The following ATG5 variants were observed in gnomAD, a reference collection of about 807,000 sequenced individuals.
ATG5 encodes the protein autophagy related 5.
ATG5 carries 14 observed loss-of-function variants against 36.5 expected under a neutral mutation model. That is an observed-to-expected ratio of 0.38 (90% CI 0.25 to 0.60). ATG5 has a LOEUF of 0.60. Ranked by LOEUF, ATG5 falls within the 20% of genes least tolerant of loss-of-function variation. ATG5 has a pLI of 0.60. For missense variants in ATG5, 195 were observed against 326.7 expected (o/e 0.60, Z 3.11); for synonymous variants, 95 against 101.5 (o/e 0.94, Z 0.38).
At chr6:106,196,582 G>C (rs1776200727) in intron 7 of ATG5, among the ~76,000 whole-genome samples, 2 of 152,096 alleles carry the variant, frequency 1.3e-5, no homozygotes, top group Admixed American at 1.3e-4. Flanking sequence ...AAATTAGCCA[G>C]GCATGGTGGC....
In ATG5 at chr6:106,309,387, A is replaced by G. The variant is rs911826990; in HGVS notation, c.109-896T>C. 5.9e-5 allele frequency among the ~76,000 whole-genome samples: 9 copies of G among 152,126 alleles called. 1 individual carries two copies. The highest frequency in any genetic ancestry group is 1.2e-4 in the Non-Finnish European group (8 of 67,984). ...AGTCCAAGATAATAGGTACCAACCA[A>G]CTAGGTAGGAGAACGTGACATTGAT... On this transcript the variant is annotated intron_variant, in intron 2 of 7. Coordinates refer to ENST00000369076, the MANE Select transcript of ATG5 (RefSeq NM_004849.4).
chr6:106,207,315 G>A (rs1242746187), intron 6 of ATG5, among the ~76,000 whole-genome samples: 6 of 152,106 alleles, frequency 3.9e-5, no homozygotes, highest in Admixed American at 3.9e-4. Flanking sequence ...TTGAAGAAAA[G>A]CAGAAAAACG....
chr6:106,238,140 A>G (rs1331051879), intron 6 of ATG5, among the ~76,000 whole-genome samples: 2 of 152,210 alleles, frequency 1.3e-5, no homozygotes, highest in Non-Finnish European at 2.9e-5. Context: ...GTCTTTACAT[A>G]TGAGATACAA....
chr6:106,234,415 T>C (rs1453352870), intron 6 of ATG5, among the ~76,000 whole-genome samples: 1 of 152,116 alleles, frequency 6.6e-6, no homozygotes, highest in African/African-American at 2.4e-5. Context: ...TAAACACCAC[T>C]TCCGTTTTAG....
chr6:106,277,458 G>A (rs117053399), intron 5 of ATG5, among the ~76,000 whole-genome samples: 1 of 152,312 alleles, frequency 6.6e-6, no homozygotes, highest in South Asian at 2.1e-4. Flanking sequence ...GGACAATTAC[G>A]ATTGTTCCAC....
chr6:106,207,962 C>T (rs545647942), intron 6 of ATG5, among the ~76,000 whole-genome samples: 7 of 152,162 alleles, frequency 4.6e-5, no homozygotes, highest in East Asian at 3.9e-4. Flanking sequence ...CATGGTGGCA[C>T]GTGCCTGTAA....
intron 7 of ATG5, among the ~76,000 whole-genome samples, chr6:106,191,646 T>C (rs73776553): frequency 0.025 from 3,740 of 152,210 alleles, 64 homozygotes; most frequent in African/African-American, 0.049. Context: ...GCAGCGACCC[T>C]AGCACAGGAC....
chr6:106,287,694 C>A (rs1043877531), intron 4 of ATG5, among the ~76,000 whole-genome samples: 27 of 152,180 alleles, frequency 1.8e-4, no homozygotes, highest in African/African-American at 6.0e-4. Context: ...AAAGACCCCA[C>A]TATTTTCACC....
rs140453512 is a variant in ATG5 at position 106,323,438 on chromosome 6, CTAAT to C, written c.-59+2084_-59+2087del. 1.5e-3 allele frequency among the ~76,000 whole-genome samples: 220 copies of C among 150,700 alleles called. 6 individuals are homozygous for C. The East Asian group carries it at 0.036, about 25-fold the overall frequency. On this transcript the variant is annotated intron_variant, in intron 1 of 7. Transcript: ENST00000369076. ...TACAGGCTCATGCCACTATGCCCAG[CTAAT>C]TTTTTATTTTTTTGTAGAGACAGGG...
chr6:106,315,380 T>A (rs185344396), intron 2 of ATG5, among the ~76,000 whole-genome samples: 35 of 152,272 alleles, frequency 2.3e-4, no homozygotes, highest in African/African-American at 8.2e-4. Flanking sequence ...TATGGGCTAT[T>A]CAGTGAACAG....
At chr6:106,273,367 G>A (rs1582639249) in intron 5 of ATG5, among the ~76,000 whole-genome samples, 1 of 152,280 alleles carries the variant, frequency 6.6e-6, no homozygotes, top group East Asian at 1.9e-4. Flanking sequence ...TACCTAGTAA[G>A]TCCTGCTTAA....
At chr6:106,288,315 A>G (rs1780166442) in intron 4 of ATG5, among the ~76,000 whole-genome samples, 2 of 152,138 alleles carry the variant, frequency 1.3e-5, no homozygotes, top group African/African-American at 4.8e-5. Flanking sequence ...AATATAAAAA[A>G]CTGGGGACAC....
intron 6 of ATG5, 113 bp from the exon 7 acceptor site, chr6:106,202,202 A>G (rs1776459330): frequency 1.4e-6 from 1 of 708,192 alleles, no homozygotes; most frequent in Admixed American, 2.2e-5. Flanking sequence ...ATACGGTGTT[A>G]GCATAATTAC....
intron 5 of ATG5, among the ~76,000 whole-genome samples, chr6:106,278,504 T>C (rs77019643): frequency 0.075 from 11,449 of 152,286 alleles, 738 homozygotes; most frequent in Admixed American, 0.22. Context: ...ACTTTCCTTA[T>C]TTATGTCAAT....
intron 3 of ATG5, among the ~76,000 whole-genome samples, chr6:106,295,564 ATTTT>A (rs71549459): frequency 7.0e-6 from 1 of 142,216 alleles, no homozygotes; most frequent in Non-Finnish European, 1.5e-5. Context: ...AAATCAAGTA[ATTTT>A]TTTTTTTTTT....
chr6:106,209,334 A>G (rs1189709835), intron 6 of ATG5, among the ~76,000 whole-genome samples: 1 of 152,222 alleles, frequency 6.6e-6, no homozygotes, highest in Non-Finnish European at 1.5e-5. Context: ...GTCCCACGGA[A>G]TACTACTCAG....
At chr6:106,276,358 G>C (rs1245202033) in intron 5 of ATG5, among the ~76,000 whole-genome samples, 1 of 151,892 alleles carries the variant, frequency 6.6e-6, no homozygotes, top group African/African-American at 2.4e-5. Context: ...CAGCTATTCG[G>C]GAGGCTGAGG....
At chr6:106,280,441 T>C (rs563708986) in intron 4 of ATG5, among the ~76,000 whole-genome samples, 33 of 152,264 alleles carry the variant, frequency 2.2e-4, no homozygotes, top group African/African-American at 7.5e-4. Flanking sequence ...CATAAACTTA[T>C]TCACTTTGAC....
chr6:106,258,425 T>A (rs1319707973), intron 5 of ATG5, among the ~76,000 whole-genome samples: 1 of 151,152 alleles, frequency 6.6e-6, no homozygotes, highest in Non-Finnish European at 1.5e-5. Flanking sequence ...AATACTAGAG[T>A]GAGAAATAGG....
Sources: gnomAD v4.1 joint callset for allele counts (sites outside exome capture counted in the v4.1 genomes callset) on GRCh38, gnomAD v4.1.1 for gene constraint, MANE v1.5 for transcripts, NCBI Gene and HGNC (gene_info 2026-07-23, HGNC 2026-07-21) for gene names.